The following KLF12 variants were observed in gnomAD, a reference collection of about 807,000 sequenced individuals.
KLF12 encodes the protein KLF transcription factor 12, also known as Krueppel-like factor 12.
Under a neutral mutation model 37.8 loss-of-function variants are expected in KLF12, and 9 were observed. That is an observed-to-expected ratio of 0.24 (90% CI 0.14 to 0.42). The LOEUF (loss-of-function observed/expected upper bound fraction) is 0.42, where lower values mean the gene tolerates loss of function less well. Among genes scored for constraint, KLF12 ranks in the 10% least tolerant of loss-of-function variants. KLF12 has a pLI of 1.00. For missense variants in KLF12, 411 were observed against 516.0 expected, an observed-to-expected ratio of 0.80 and a Z score of 1.97; for synonymous variants, 208 against 202.1, an observed-to-expected ratio of 1.03 and a Z score of -0.25.
At chr13:74,006,297 G>A (rs1593824090) in intron 1 of KLF12, among the ~76,000 whole-genome samples, 1 of 152,112 alleles carries the variant, frequency 6.6e-6, no homozygotes, top group Non-Finnish European at 1.5e-5. Flanking sequence ...ACCATCAGAT[G>A]TCTTTTGAAG....
Position 73,846,357 on chromosome 13 carries a change from T to A in KLF12, c.140A>T (p.Asn47Ile), listed in dbSNP as rs764662531. The A allele has an allele frequency of 5.0e-6, 8 of 1,612,368 alleles. No individual in the cohort carries two copies. The Admixed American group carries it at 1.3e-4, about 27-fold the overall frequency. Residue 47 changes from asparagine to isoleucine, a missense_variant, in exon 4 of 8, where the codon AAC (asparagine) becomes ATC (isoleucine). Coordinates refer to ENST00000377669, the MANE Select transcript of KLF12 (RefSeq NM_007249.5). ...GGGAACGGCTTCCATATCGGGATAG[T>A]TGTGGACGTTTGGAGACTGTGGGGA...
intron 2 of KLF12, among the ~76,000 whole-genome samples, chr13:73,990,764 C>T (rs180852724): frequency 5.9e-5 from 9 of 151,782 alleles, no homozygotes; most frequent in Admixed American, 5.9e-4. Context: ...TGAAATTAAT[C>T]TATTAGGCTT....
intron 1 of KLF12, among the ~76,000 whole-genome samples, chr13:73,998,334 C>T (rs533805842): frequency 1.3e-5 from 2 of 152,148 alleles, no homozygotes; most frequent in Non-Finnish European, 2.9e-5. Flanking sequence ...CATAAGTATA[C>T]TTGTTGCTAG....
chr13:73,873,254 C>A (rs1052483269), intron 3 of KLF12, among the ~76,000 whole-genome samples: 7 of 151,992 alleles, frequency 4.6e-5, no homozygotes, highest in African/African-American at 2.4e-5. Flanking sequence ...TAAACTCAAC[C>A]TTTATTTTTA....
intron 5 of KLF12, among the ~76,000 whole-genome samples, chr13:73,775,331 GAA>G (rs1208832738): frequency 1.3e-5 from 2 of 152,146 alleles, no homozygotes; most frequent in Non-Finnish European, 2.9e-5. Flanking sequence ...GTGGTAGAAA[GAA>G]AAGAGTAAAA....
chr13:74,124,105 C>A (rs1162520457), intron 1 of KLF12, among the ~76,000 whole-genome samples: 3 of 152,124 alleles, frequency 2.0e-5, no homozygotes, highest in African/African-American at 4.8e-5. Flanking sequence ...AGCCTAAAGC[C>A]TTGGTATAAT....
the KLF12 span, among the ~76,000 whole-genome samples, chr13:74,245,074 G>T: frequency 6.6e-6 from 1 of 152,186 alleles, no homozygotes; most frequent in African/African-American, 2.4e-5. Flanking sequence ...AGAATCAGCA[G>T]GTCAGAGTAC....
chr13:74,213,468 G>T, the KLF12 span, among the ~76,000 whole-genome samples: 1 of 152,008 alleles, frequency 6.6e-6, no homozygotes, highest in Admixed American at 6.6e-5. Context: ...TCAGCAATGG[G>T]TATAGAATTG....
intron 3 of KLF12, among the ~76,000 whole-genome samples, chr13:73,917,283 C>A (rs1335852472): frequency 6.6e-6 from 1 of 152,164 alleles, no homozygotes; most frequent in Non-Finnish European, 1.5e-5. Context: ...ACTAATAAAT[C>A]TCAACACCTT....
intron 3 of KLF12, among the ~76,000 whole-genome samples, chr13:73,862,608 C>T (rs772024343): frequency 8.3e-5 from 12 of 144,706 alleles, no homozygotes; most frequent in Non-Finnish European, 1.8e-4. Flanking sequence ...GACTATGTTT[C>T]GTGAAGAAAA....
At chr13:73,979,144 C>T (rs1172600792) in intron 2 of KLF12, among the ~76,000 whole-genome samples, 1 of 152,028 alleles carries the variant, frequency 6.6e-6, no homozygotes, top group Non-Finnish European at 1.5e-5. Context: ...TCAGAGGAAA[C>T]ACTAATATAA....
At chr13:73,769,030 A>C (rs550590726) in intron 5 of KLF12, among the ~76,000 whole-genome samples, 151 of 152,330 alleles carry the variant, frequency 9.9e-4, no homozygotes, top group Middle Eastern at 3.4e-3. Flanking sequence ...AAGTAGATAT[A>C]AAGTGGAAGT....
chr13:74,120,024 T>C (rs564237789), intron 1 of KLF12, among the ~76,000 whole-genome samples: 1 of 151,252 alleles, frequency 6.6e-6, no homozygotes, highest in South Asian at 2.1e-4. Context: ...TTCAGAAGTA[T>C]ATAAATGAGA....
chr13:74,223,643 G>A, the KLF12 span, among the ~76,000 whole-genome samples: 1 of 152,080 alleles, frequency 6.6e-6, no homozygotes, highest in African/African-American at 2.4e-5. Context: ...AAAAGCTCAG[G>A]GCAGTCAGTT....
intron 6 of KLF12, among the ~76,000 whole-genome samples, chr13:73,750,547 G>C (rs1878670857): frequency 6.6e-6 from 1 of 152,180 alleles, no homozygotes. Context: ...GTGATGCTAT[G>C]CTCCATATGG....
intron 2 of KLF12, among the ~76,000 whole-genome samples, chr13:73,952,281 C>T (rs137888862): frequency 1.2e-3 from 190 of 152,224 alleles, no homozygotes; most frequent in African/African-American, 3.3e-3. Flanking sequence ...GGCTTGTACA[C>T]GAAGCATGGC....
the KLF12 span, among the ~76,000 whole-genome samples, chr13:74,292,908 G>T: frequency 6.6e-6 from 1 of 152,120 alleles, no homozygotes; most frequent in Non-Finnish European, 1.5e-5. Context: ...GTTTGCTTCT[G>T]AGCCCAGAGC....
rs574410260 is a variant in KLF12 at position 73,956,440 on chromosome 13, C to A, written c.34-12370G>T. On this transcript the variant is annotated intron_variant, in intron 2 of 7. Transcript: ENST00000377669. The stretch of plus-strand genomic sequence containing the variant: ...GATAAGTCTTTCTTGTCCGGGCTGT[C>A]CTGTACATTGTAGGATGCTTAGCAG... Among the ~76,000 whole-genome samples, 6 of 152,332 alleles carry A rather than the reference C, an allele frequency of 3.9e-5. No homozygotes were observed. The East Asian group carries it at 9.6e-4, about 24-fold the overall frequency.
chr13:74,226,146 C>T, the KLF12 span, among the ~76,000 whole-genome samples: 1 of 151,862 alleles, frequency 6.6e-6, no homozygotes, highest in African/African-American at 2.4e-5. Context: ...AGAGGATGGC[C>T]TCGAGGAGAC....
Sources: allele counts gnomAD v4.1 joint callset (sites outside exome capture counted in the v4.1 genomes callset), GRCh38; gene constraint gnomAD v4.1.1; transcripts MANE v1.5; gene names NCBI Gene and HGNC (gene_info 2026-07-23, HGNC 2026-07-21).